The following SVBP variants were observed in gnomAD, a reference collection of about 807,000 sequenced individuals.
SVBP encodes small vasohibin binding protein.
Under a neutral mutation model 9.2 loss-of-function variants are expected in SVBP, and 9 were observed. The ratio of observed to expected loss-of-function variants is 0.98; its 90% CI spans 0.59 to 1.71. The LOEUF is 1.71. Among genes scored for constraint, SVBP ranks in the 40% most tolerant of loss-of-function variants. The pLI, the probability that SVBP is intolerant of heterozygous loss-of-function variation, is 0.00. For synonymous variants in SVBP, 27 were observed against 23.9 expected (o/e 1.13, Z -0.37); for missense variants, 63 against 73.2 (o/e 0.86, Z 0.51).
chr1:42,816,655 C>T, intron 1 of SVBP, 75 bp from the exon 2 acceptor site: 2 of 735,206 alleles, frequency 2.7e-6, no homozygotes, highest in Non-Finnish European at 4.6e-6. Flanking sequence ...CTCCTCTAAT[C>T]CTTTAGCTCC....
intron 2 of SVBP, among the ~76,000 whole-genome samples, chr1:42,808,640 T>A (rs1465937235): frequency 6.7e-6 from 1 of 149,164 alleles, no homozygotes; most frequent in Non-Finnish European, 1.5e-5. Context: ...TATATATGTA[T>A]GTATATATAG....
intron 2 of SVBP, among the ~76,000 whole-genome samples, chr1:42,808,149 G>GTA (rs781743959): frequency 0.034 from 1,968 of 58,228 alleles, 48 homozygotes; most frequent in East Asian, 0.096. Context: ...GTGTGTGTGT[G>GTA]TATATATATA....
chr1:42,812,259 T>A (rs776029356), intron 2 of SVBP, among the ~76,000 whole-genome samples: 3 of 152,150 alleles, frequency 2.0e-5, no homozygotes, highest in Non-Finnish European at 4.4e-5. Context: ...AAGTGCAAAT[T>A]TGTACAGCTA....
At chr1:42,810,597 A>G (rs1177463820) in intron 2 of SVBP, among the ~76,000 whole-genome samples, 6 of 152,176 alleles carry the variant, frequency 3.9e-5, no homozygotes, top group African/African-American at 1.4e-4. Flanking sequence ...GCAAGATGGT[A>G]GGAGAAAGAG....
chr1:42,815,620 A>G (rs61444736), intron 2 of SVBP, among the ~76,000 whole-genome samples: 6,486 of 152,190 alleles, frequency 0.043, 202 homozygotes, highest in African/African-American at 0.078. Context: ...ATGGATGCAT[A>G]AAATAGACTA....
chr1:42,817,137 G>A (rs895492292), intron 1 of SVBP, 53 bp downstream of exon 1: 12 of 1,194,496 alleles, frequency 1.0e-5, no homozygotes, highest in Non-Finnish European at 1.3e-5. Flanking sequence ...CCCTCTCCTG[G>A]AGGAAAATGG....
At position 42,807,212 on chromosome 1, in the gene SVBP, A is replaced by G. The variant is rs190982252; in HGVS notation, c.*202T>C. 68 of 390,828 alleles carry G rather than the reference A, an allele frequency of 1.7e-4. No individual in the cohort carries two copies. The highest frequency in any genetic ancestry group is 1.3e-3 in the Admixed American group (31 of 23,046). 24.2% of individuals were successfully genotyped at this position (390,828 alleles called of 1,614,324 possible). A position where few individuals can be genotyped will look rare whatever the true frequency, so the allele number is the denominator to read the frequency against. ...AAAACCACTGTCTTAGAAGAAGAAAACAAGTCTCTTCAGCAAGCATGTGGC... is the reference window on the plus strand; with the variant it reads ...AAAACCACTGTCTTAGAAGAAGAAAGCAAGTCTCTTCAGCAAGCATGTGGC... On this transcript the variant is annotated 3_prime_UTR_variant, in exon 3 of 3. Coordinates refer to ENST00000372521, the MANE Select transcript of SVBP (RefSeq NM_199342.4).
chr1:42,816,052 C>T (rs1385403662), intron 2 of SVBP, among the ~76,000 whole-genome samples: 1 of 152,220 alleles, frequency 6.6e-6, no homozygotes, highest in Non-Finnish European at 1.5e-5. Flanking sequence ...AAGCTTGGGC[C>T]TCTACCTGGC....
At position 42,817,330 on chromosome 1, in the gene SVBP, C is replaced by A; in HGVS notation, c.-177G>T. 1 of 1,066,878 alleles carries A rather than the reference C, an allele frequency of 9.4e-7. No individual in the cohort carries two copies. Among genetic ancestry groups the A allele is most frequent in the Non-Finnish European group, 1.2e-6 (1 of 829,546 alleles). The allele number at this position is 1,066,878 out of a possible 1,614,324, so 66.1% of individuals were successfully genotyped here. On this transcript the variant is annotated 5_prime_UTR_variant, in exon 1 of 3. Transcript: ENST00000372521. Reference sequence around the variant, plus strand: ...CCCTCGTCCTGGGCGGGGCCGCGCGCCGGGGGGAGGGGCGCAGGGCCGAGC... The same window carrying A: ...CCCTCGTCCTGGGCGGGGCCGCGCGACGGGGGGAGGGGCGCAGGGCCGAGC...
At chr1:42,808,143 G>A (rs201936946) in intron 2 of SVBP, among the ~76,000 whole-genome samples, 9,098 of 38,932 alleles carry the variant, frequency 0.23, 566 homozygotes, top group South Asian at 0.36. Flanking sequence ...TAGTGTGTGT[G>A]TGTGTGTATA....
At chr1:42,810,447 C>CACATATAT (rs1261285398) in intron 2 of SVBP, among the ~76,000 whole-genome samples, 3 of 151,928 alleles carry the variant, frequency 2.0e-5, no homozygotes, top group African/African-American at 7.3e-5. Flanking sequence ...TGCCCGGGCC[C>CACATATAT]ACATATATAC....
intron 2 of SVBP, among the ~76,000 whole-genome samples, chr1:42,810,348 A>T (rs986942081): frequency 3.9e-5 from 6 of 152,022 alleles, no homozygotes; most frequent in African/African-American, 1.2e-4. Flanking sequence ...GGATTTCACC[A>T]TGTTGGCCAG....
chr1:42,814,028 C>A (rs1654139051), intron 2 of SVBP: 2 of 179,150 alleles, frequency 1.1e-5, no homozygotes, highest in Admixed American at 1.2e-4. Flanking sequence ...TTCTTTTCTG[C>A]TTTGTCATCA....
At position 42,817,130 on chromosome 1, in the gene SVBP, T is replaced by C. The variant is rs745609221; in HGVS notation, c.-37+60A>G. 7.2e-6 allele frequency: 8 copies of C among 1,110,260 alleles called. No homozygotes were observed. The South Asian group carries it at 1.3e-4, about 18-fold the overall frequency. 68.8% of individuals were successfully genotyped at this position (1,110,260 alleles called of 1,614,324 possible). On this transcript the variant is annotated intron_variant, in intron 1 of 2. Transcript: ENST00000372521. ...GGCCCCCGCCTCCTGCCCTCTTCCC[T>C]CTCCTGGAGGAAAATGGCGGTCGCT...
At position 42,817,381 on chromosome 1, in the gene SVBP, C is replaced by A; in HGVS notation, c.-228G>T. ...GCCAGGAGGCTTCCGCCCGCAGGAG[C>A]GGCCGCGCGTGCGCAGAGAGGATGG... On this transcript the variant is annotated 5_prime_UTR_variant, in exon 1 of 3. Coordinates refer to ENST00000372521, the MANE Select transcript of SVBP (RefSeq NM_199342.4). 2.0e-6 allele frequency: 1 copy of A among 509,072 alleles called. No homozygotes were observed. Among genetic ancestry groups the A allele is most frequent in the Non-Finnish European group, 2.7e-6 (1 of 375,350 alleles). 31.5% of individuals were successfully genotyped at this position (509,072 alleles called of 1,614,324 possible). A position where few individuals can be genotyped will look rare whatever the true frequency, so the allele number is the denominator to read the frequency against.
At chr1:42,807,901 C>T (rs932519785) in intron 2 of SVBP, among the ~76,000 whole-genome samples, 1 of 152,012 alleles carries the variant, frequency 6.6e-6, no homozygotes, top group African/African-American at 2.4e-5. Flanking sequence ...TGGGACATGA[C>T]AGGTGGTGGG....
intron 2 of SVBP, among the ~76,000 whole-genome samples, chr1:42,808,147 G>GTATATATATA (rs1475249020): frequency 1.6e-3 from 87 of 53,856 alleles, no homozygotes; most frequent in African/African-American, 6.7e-3. Context: ...GTGTGTGTGT[G>GTATATATATA]TGTATATATA....
rs1374915301 is a variant in SVBP at position 42,817,315 on chromosome 1, G to T, written c.-162C>A. ...CTGCCTGCCCACCGCCCCTCGTCCT[G>T]GGCGGGGCCGCGCGCCGGGGGGAGG... is the stretch of plus-strand genomic sequence containing the variant. On this transcript the variant is annotated 5_prime_UTR_variant, in exon 1 of 3. Transcript: ENST00000372521. 3 of 1,151,288 alleles carry T rather than the reference G, an allele frequency of 2.6e-6. No individual in the cohort carries two copies. In the East Asian group the frequency reaches 2.9e-4, roughly 111 times the overall value. The allele number at this position is 1,151,288 out of a possible 1,614,324, so 71.3% of individuals were successfully genotyped here.
At chr1:42,812,329 A>T (rs1446926159) in intron 2 of SVBP, among the ~76,000 whole-genome samples, 1 of 152,266 alleles carries the variant, frequency 6.6e-6, no homozygotes, top group Non-Finnish European at 1.5e-5. Context: ...GATGCCATGC[A>T]GAGCGAGGAC....
Sources: gnomAD v4.1 joint callset for allele counts (sites outside exome capture counted in the v4.1 genomes callset) on GRCh38, gnomAD v4.1.1 for gene constraint, MANE v1.5 for transcripts, NCBI Gene and HGNC (gene_info 2026-07-23, HGNC 2026-07-21) for gene names.